Variants in KIF3B observed in about 807,000 individuals in gnomAD.
KIF3B encodes kinesin-like protein KIF3B.
KIF3B carries 38 observed loss-of-function variants against 74.3 expected under a neutral mutation model. The ratio of observed to expected loss-of-function variants is 0.51; its 90% CI spans 0.39 to 0.67. The LOEUF is 0.67. KIF3B is among the 30% of genes least tolerant of loss of function. KIF3B has a pLI of 0.00. For synonymous variants in KIF3B, 326 were observed against 342.5 expected, an observed-to-expected ratio of 0.95 and a Z score of 0.53; for missense variants, 649 against 932.0, an observed-to-expected ratio of 0.70 and a Z score of 3.95.
At chr20:32,289,165 C>CAAG (rs35552024) in intron 1 of KIF3B, among the ~76,000 whole-genome samples, 51,172 of 149,024 alleles carry the variant, frequency 0.34, 10,020 homozygotes, top group East Asian at 0.74. Context: ...CTGACTGTGT[C>CAAG]AAGAATACTG....
rs754585467 is a variant in KIF3B, at chr20:32,327,600, A to G, written c.1907A>G (p.Lys636Arg). The G allele has an allele frequency of 6.2e-7, 1 of 1,613,532 alleles. No homozygotes were observed. Among genetic ancestry groups the G allele is most frequent in the South Asian group, 1.1e-5 (1 of 91,078 alleles). The change falls in exon 7 of 9, where the codon AAG becomes AGG. Residue 636 changes from lysine to arginine, a missense_variant. Around this residue, in one of 4 missense-constraint regions of KIF3B, gnomAD observed 186 missense variants for 198.5 expected, o/e 0.94. Coordinates refer to ENST00000375712, the MANE Select transcript of KIF3B (RefSeq NM_004798.4). The stretch of plus-strand genomic sequence containing the variant: ...CGGCCAGTCTCAGCCGTGGGATATA[A>G]GAGACCATTGAGCCAGCACGCAAGA... Reference protein sequence around the residue: ...MKRPVSAVGYKRPLSQHARMS... With the variant: ...MKRPVSAVGYRRPLSQHARMS...
intron 2 of KIF3B, 123 bp downstream of exon 2, chr20:32,311,304 G>A: frequency 9.9e-7 from 1 of 1,005,350 alleles, no homozygotes; most frequent in Non-Finnish European, 1.4e-6. Flanking sequence ...ATTTCCAACA[G>A]CTCATGATAT....
chr20:32,329,456 C>T (rs566431551), intron 7 of KIF3B, among the ~76,000 whole-genome samples: 2 of 151,258 alleles, frequency 1.3e-5, no homozygotes, highest in South Asian at 4.2e-4. Context: ...CTCAAGTGAT[C>T]CTCCTGCCTT....
chr20:32,318,283 C>T (rs975047361), intron 5 of KIF3B, among the ~76,000 whole-genome samples: 1 of 145,536 alleles, frequency 6.9e-6, no homozygotes, highest in Non-Finnish European at 1.5e-5. Flanking sequence ...GCCTGGGTGA[C>T]ACAGCGAGAT....
chr20:32,317,419 G>A (rs1241451637), intron 5 of KIF3B, among the ~76,000 whole-genome samples: 1 of 151,982 alleles, frequency 6.6e-6, no homozygotes, highest in Non-Finnish European at 1.5e-5. Flanking sequence ...AAAGATTCTG[G>A]TCTTACATCT....
intron 1 of KIF3B, among the ~76,000 whole-genome samples, chr20:32,299,076 A>G (rs182625830): frequency 2.6e-4 from 40 of 152,142 alleles, no homozygotes; most frequent in Non-Finnish European, 4.6e-4. Context: ...CACTCAGCCT[A>G]TTTATTTATC....
At chr20:32,323,158 T>TTATATATTTATATTTATATATTTA (rs2047884202) in intron 5 of KIF3B, among the ~76,000 whole-genome samples, 1 of 100,020 alleles carries the variant, frequency 1.0e-5, no homozygotes, top group Non-Finnish European at 1.9e-5. Context: ...ATATTTATAT[T>TTATATATTTATATTTATATATTTA]TATATATTTA....
chr20:32,325,109 G>T (rs2047896111), intron 5 of KIF3B, among the ~76,000 whole-genome samples: 1 of 152,120 alleles, frequency 6.6e-6, no homozygotes. Context: ...AAAAGATCAG[G>T]ACAAAATATA....
At chr20:32,300,940 A>G (rs1412515911) in intron 1 of KIF3B, among the ~76,000 whole-genome samples, 1 of 151,982 alleles carries the variant, frequency 6.6e-6, no homozygotes, top group Non-Finnish European at 1.5e-5. Flanking sequence ...ATCATGGCTC[A>G]CTGTAGCCTT....
chr20:32,330,447 T>C, intron 8 of KIF3B, 128 bp downstream of exon 8: 1 of 769,896 alleles, frequency 1.3e-6, no homozygotes, highest in Non-Finnish European at 2.1e-6. Flanking sequence ...ATTACTCCTA[T>C]GTTTACTTAT....
At position 32,327,545 on chromosome 20, in the gene KIF3B, T is replaced by A; in HGVS notation, c.1863-11T>A. ...TCCAGCCAGGGCTTTAACACTGCAG[T>A]TCATTTCCAGGAACCAGCAGATGAT... On this transcript the variant is annotated splice_polypyrimidine_tract_variant and intron_variant, in intron 6 of 8. Coordinates refer to ENST00000375712, the MANE Select transcript of KIF3B (RefSeq NM_004798.4). The A allele has an allele frequency of 6.2e-7, 1 of 1,610,838 alleles. No individual in the cohort carries two copies. Among genetic ancestry groups the A allele is most frequent in the South Asian group, 1.1e-5 (1 of 91,028 alleles).
Position 32,330,319 on chromosome 20 carries a change from G to A in KIF3B, c.2147G>A (p.Arg716Lys), listed in dbSNP as rs2047924369. Reference protein sequence around the residue: ...ESTANKKSKARPKSGRKSGSS... With the variant: ...ESTANKKSKAKPKSGRKSGSS... ...ACTGCAAATAAGAAATCCAAGGCCA[G>A]GTGAGTGGCTTTGATGACGTGTGTT... The change falls in exon 8 of 9, where the codon AGG becomes AAG. Residue 716 changes from arginine to lysine, a missense_variant and splice_region_variant. Coordinates refer to ENST00000375712, the MANE Select transcript of KIF3B (RefSeq NM_004798.4). 1 of 1,613,112 alleles carries A rather than the reference G, an allele frequency of 6.2e-7. No individual in the cohort carries two copies. Among genetic ancestry groups the A allele is most frequent in the Non-Finnish European group, 8.5e-7 (1 of 1,179,444 alleles).
At chr20:32,293,869 T>G (rs1054328412) in intron 1 of KIF3B, among the ~76,000 whole-genome samples, 1 of 152,190 alleles carries the variant, frequency 6.6e-6, no homozygotes, top group African/African-American at 2.4e-5. Flanking sequence ...ATATATCAGG[T>G]GTTTTAAAAA....
intron 2 of KIF3B, 135 bp downstream of exon 2, chr20:32,311,316 C>T (rs1432313683): frequency 3.5e-6 from 3 of 865,434 alleles, no homozygotes; most frequent in Admixed American, 3.0e-5. Flanking sequence ...TCATGATATC[C>T]AGTACTCAGT....
Position 32,332,569 on chromosome 20 carries a change from G to A in KIF3B, c.*1250G>A, listed in dbSNP as rs189893101. On this transcript the variant is annotated 3_prime_UTR_variant, in exon 9 of 9. Transcript: ENST00000375712. ...TACATATTACTAGTTTGGTTTGTAA[G>A]TTTTAGTTCCTTGTATTATTGAGAT... is the stretch of plus-strand genomic sequence containing the variant. 1 of 152,340 alleles carries A rather than the reference G, an allele frequency of 6.6e-6. No individual in the cohort carries two copies. The highest frequency in any genetic ancestry group is 6.5e-5 in the Admixed American group (1 of 15,294). The allele number at this position is 152,340 out of a possible 1,614,324, so 9.4% of individuals were successfully genotyped here. A position where few individuals can be genotyped will look rare whatever the true frequency, so the allele number is the denominator to read the frequency against.
rs560107235 is a variant in KIF3B, at chr20:32,312,192, C to T, written c.1404+1011C>T. 4.0e-5 allele frequency among the ~76,000 whole-genome samples: 6 copies of T among 150,898 alleles called. No individual in the cohort carries two copies. The South Asian group carries it at 1.3e-3, about 32-fold the overall frequency. On this transcript the variant is annotated intron_variant, in intron 2 of 8. Transcript: ENST00000375712. ...AGTGGCCCAATCACTGCAGCCTTGACCTCCTAGGCTCAAAGGATCCTCCCA... is the reference window on the plus strand; with the variant it reads ...AGTGGCCCAATCACTGCAGCCTTGATCTCCTAGGCTCAAAGGATCCTCCCA...
intron 1 of KIF3B, among the ~76,000 whole-genome samples, chr20:32,286,584 A>T (rs146902667): frequency 2.0e-5 from 3 of 152,146 alleles, no homozygotes; most frequent in Non-Finnish European, 2.9e-5. Context: ...ATTTTTTCCG[A>T]TTATAAAAAT....
At chr20:32,305,160 A>G (rs2047763490) in intron 1 of KIF3B, among the ~76,000 whole-genome samples, 2 of 151,556 alleles carry the variant, frequency 1.3e-5, no homozygotes. Context: ...AAAACAAACA[A>G]ACAAAAAAAA....
intron 1 of KIF3B, among the ~76,000 whole-genome samples, chr20:32,280,021 G>A (rs1233026935): frequency 6.6e-6 from 1 of 152,192 alleles, no homozygotes; most frequent in Non-Finnish European, 1.5e-5. Context: ...TTTTTGGTAA[G>A]GGGCTCTGTG....
Sources: gnomAD v4.1 joint callset for allele counts (sites outside exome capture counted in the v4.1 genomes callset) on GRCh38, gnomAD v4.1.1 for gene constraint, gnomAD v4.1.1 regional missense constraint, MANE v1.5 for transcripts, NCBI Gene and HGNC (gene_info 2026-07-23, HGNC 2026-07-21) for gene names.